The following PTPRD variants were observed in gnomAD, a reference collection of about 807,000 sequenced individuals.
PTPRD encodes the protein protein tyrosine phosphatase receptor type D.
PTPRD carries 34 observed loss-of-function variants against 214.5 expected under a neutral mutation model. The observed-to-expected ratio is 0.16, with a 90% CI of 0.12 to 0.21. The LOEUF (loss-of-function observed/expected upper bound fraction) is 0.21. Ranked by LOEUF, PTPRD falls within the 10% of genes least tolerant of loss-of-function variation. PTPRD has a pLI of 1.00. For missense variants in PTPRD, 2,545 were observed against 2,398.7 expected, an observed-to-expected ratio of 1.06 and a Z score of -1.27; for synonymous variants, 1,128 against 845.7, an observed-to-expected ratio of 1.33 and a Z score of -5.79.
chr9:9,196,817 G>C (rs895893653), intron 9 of PTPRD, among the ~76,000 whole-genome samples: 5 of 151,978 alleles, frequency 3.3e-5, no homozygotes, highest in Admixed American at 6.6e-5. Flanking sequence ...AACTGATAAG[G>C]ACCTGGCCTG....
At chr9:10,438,005 C>CTATATATATATATAATATATA (rs1180134707) in intron 2 of PTPRD, among the ~76,000 whole-genome samples, 1 of 110,662 alleles carries the variant, frequency 9.0e-6, no homozygotes, top group African/African-American at 6.4e-5. Flanking sequence ...CTCCCTAAGT[C>CTATATATATATATAATATATA]TACATATATA....
At chr9:9,480,623 G>C (rs1459335977) in intron 8 of PTPRD, among the ~76,000 whole-genome samples, 1 of 151,904 alleles carries the variant, frequency 6.6e-6, no homozygotes, top group Non-Finnish European at 1.5e-5. Context: ...ATTGCTCCAG[G>C]TTTAGTAATG....
intron 30 of PTPRD, among the ~76,000 whole-genome samples, chr9:8,478,525 G>A (rs2096813707): frequency 6.6e-6 from 1 of 152,056 alleles, no homozygotes; most frequent in Admixed American, 6.6e-5. Flanking sequence ...TATAATCTGT[G>A]TTGTGCATTT....
At chr9:10,504,081 A>C (rs1026066286) in intron 2 of PTPRD, among the ~76,000 whole-genome samples, 1 of 130,524 alleles carries the variant, frequency 7.7e-6, no homozygotes, top group East Asian at 2.4e-4. Flanking sequence ...GCGCCACTGC[A>C]CTCCAGCATG....
At chr9:9,454,279 C>T (rs1569568471) in intron 8 of PTPRD, among the ~76,000 whole-genome samples, 2 of 151,670 alleles carry the variant, frequency 1.3e-5, no homozygotes, top group African/African-American at 2.4e-5. Flanking sequence ...TGAGGAAATA[C>T]TCCCGGTTTG....
chr9:10,340,624 C>A (rs1288459688), intron 3 of PTPRD, among the ~76,000 whole-genome samples: 1 of 151,836 alleles, frequency 6.6e-6, no homozygotes, highest in Admixed American at 6.6e-5. Context: ...CTTTCTACAA[C>A]AGAAATAAAA....
At chr9:8,384,836 G>T (rs4742491) in intron 37 of PTPRD, among the ~76,000 whole-genome samples, 112,254 of 152,124 alleles carry the variant, frequency 0.74, 42,375 homozygotes, top group African/African-American at 0.9. Context: ...CGTTGTCTTT[G>T]TATTTCTTTA....
intron 12 of PTPRD, among the ~76,000 whole-genome samples, chr9:8,653,118 G>C (rs927038260): frequency 2.6e-5 from 4 of 152,124 alleles, no homozygotes; most frequent in African/African-American, 9.7e-5. Context: ...TGCCTTTTGA[G>C]ATGGATCTAA....
chr9:9,184,573 T>A (rs999985340), intron 9 of PTPRD, among the ~76,000 whole-genome samples: 1 of 152,066 alleles, frequency 6.6e-6, no homozygotes, highest in Admixed American at 6.6e-5. Context: ...AGGACATCTA[T>A]TGGCACTGCG....
intron 11 of PTPRD, among the ~76,000 whole-genome samples, chr9:8,836,198 A>G (rs1048293867): frequency 2.6e-5 from 4 of 152,190 alleles, no homozygotes; most frequent in Non-Finnish European, 4.4e-5. Flanking sequence ...AACCAAAGTT[A>G]GTGACCTTGA....
chr9:9,889,546 T>C (rs1208261003), intron 5 of PTPRD, among the ~76,000 whole-genome samples: 1 of 152,112 alleles, frequency 6.6e-6, no homozygotes, highest in Non-Finnish European at 1.5e-5. Flanking sequence ...AGCCTCTAAG[T>C]TGGTGCTTTA....
chr9:10,571,446 T>C (rs1036752256), intron 2 of PTPRD, among the ~76,000 whole-genome samples: 2 of 152,160 alleles, frequency 1.3e-5, no homozygotes, highest in Non-Finnish European at 1.5e-5. Context: ...TGTTAAATTT[T>C]AATGGTTTCC....
chr9:8,636,350 G>A (rs772501607), intron 13 of PTPRD, among the ~76,000 whole-genome samples: 1 of 152,084 alleles, frequency 6.6e-6, no homozygotes. Context: ...AACGTAATAG[G>A]AGCCAATGGG....
intron 11 of PTPRD, among the ~76,000 whole-genome samples, chr9:8,737,053 C>CAT (rs1565678106): frequency 6.6e-6 from 1 of 152,108 alleles, no homozygotes; most frequent in Admixed American, 6.5e-5. Context: ...ATAATGACTC[C>CAT]GTGTGATCAC....
chr9:10,169,132 C>T (rs2099181481), intron 3 of PTPRD, among the ~76,000 whole-genome samples: 2 of 152,070 alleles, frequency 1.3e-5, no homozygotes, highest in African/African-American at 4.8e-5. Context: ...TACTCCCATC[C>T]CCATTAATGT....
At chr9:8,347,407 A>G (rs180989574) in intron 39 of PTPRD, among the ~76,000 whole-genome samples, 2 of 152,280 alleles carry the variant, frequency 1.3e-5, no homozygotes, top group East Asian at 3.9e-4. Flanking sequence ...GACATCGAAG[A>G]AGGAATGAGC....
At chr9:9,849,504 G>A (rs1259805380) in intron 5 of PTPRD, among the ~76,000 whole-genome samples, 3 of 152,046 alleles carry the variant, frequency 2.0e-5, no homozygotes, top group Non-Finnish European at 4.4e-5. Flanking sequence ...GAAGTCTGAT[G>A]GTGATGCTAT....
At chr9:9,725,402 T>A (rs1746005391) in intron 7 of PTPRD, among the ~76,000 whole-genome samples, 1 of 151,986 alleles carries the variant, frequency 6.6e-6, no homozygotes, top group African/African-American at 2.4e-5. Context: ...CCTCCCCAGC[T>A]ACGTGGAACC....
chr9:10,304,233 C>T (rs1283702082), intron 3 of PTPRD, among the ~76,000 whole-genome samples: 2 of 152,120 alleles, frequency 1.3e-5, no homozygotes, highest in Non-Finnish European at 2.9e-5. Flanking sequence ...CAAAAACTCT[C>T]AATACGCTAG....
Sources: allele counts gnomAD v4.1 joint callset (sites outside exome capture counted in the v4.1 genomes callset), GRCh38; gene constraint gnomAD v4.1.1; transcripts MANE v1.5; gene names NCBI Gene and HGNC (gene_info 2026-07-23, HGNC 2026-07-21).